Variants in POLD3 observed in about 807,000 individuals in gnomAD.
POLD3 encodes DNA polymerase delta subunit 3.
A neutral mutation model predicts 58.2 loss-of-function variants in POLD3; 19 were observed. The observed-to-expected ratio is 0.33, with a 90% CI of 0.23 to 0.48. The LOEUF (loss-of-function observed/expected upper bound fraction) is 0.48, where lower values mean the gene tolerates loss of function less well. Among genes scored for constraint, POLD3 ranks in the 20% least tolerant of loss-of-function variants. POLD3 has a pLI of 0.99. For missense variants in POLD3, 504 were observed against 545.5 expected (o/e 0.92, Z 0.76); for synonymous variants, 172 against 193.5 (o/e 0.89, Z 0.92).
intron 4 of POLD3, among the ~76,000 whole-genome samples, chr11:74,667,420 C>T (rs768238196): frequency 5.9e-5 from 9 of 152,124 alleles, no homozygotes; most frequent in Non-Finnish European, 1.2e-4. Context: ...CGCCTGTAGT[C>T]CCAGCTGGAG....
Position 74,592,994 on chromosome 11 carries a change from C to G in POLD3, c.60+276C>G, listed in dbSNP as rs146115530. On this transcript the variant is annotated intron_variant, in intron 1 of 11. Transcript: ENST00000263681. ...CGGAGACCGGGCGCGGAGGGAGGGC[C>G]GTTGGCTGAGAGTTCTAAGGCGTCC... 377 of 1,329,308 alleles carry G rather than the reference C, an allele frequency of 2.8e-4. No individual in the cohort carries two copies. In the African/African-American group the frequency reaches 5.1e-3, roughly 18 times the overall value. 82.3% of individuals were successfully genotyped at this position (1,329,308 alleles called of 1,614,324 possible). A position where few individuals can be genotyped will look rare whatever the true frequency, so the allele number is the denominator to read the frequency against.
intron 10 of POLD3, among the ~76,000 whole-genome samples, chr11:74,635,647 T>C (rs10899023): frequency 0.39 from 59,872 of 152,046 alleles, 12,842 homozygotes; most frequent in African/African-American, 0.56. Flanking sequence ...CACTTCTGCA[T>C]TCCAGCCTGG....
chr11:74,618,468 T>C (rs1565119304), intron 5 of POLD3, 69 bp from the exon 6 acceptor site: 1 of 1,157,508 alleles, frequency 8.6e-7, no homozygotes, highest in Non-Finnish European at 1.2e-6. Flanking sequence ...GTTTTTTTTT[T>C]CTTTTTTTGT....
chr11:74,665,391 A>ATTG (rs1343610341), intron 4 of POLD3, among the ~76,000 whole-genome samples: 34 of 83,308 alleles, frequency 4.1e-4, no homozygotes, highest in Non-Finnish European at 7.0e-4. Context: ...CCCTTTTATA[A>ATTG]TTTTTTTTTT....
At chr11:74,607,240 T>TATATATATATATATATATATATATA (rs761011170) in intron 3 of POLD3, among the ~76,000 whole-genome samples, 15 of 61,904 alleles carry the variant, frequency 2.4e-4, no homozygotes, top group Non-Finnish European at 2.7e-4. Context: ...ATTATTATTA[T>TATATATATATATATATATATATATA]TATATATTTA....
rs183175957 is a variant in POLD3, at chr11:74,613,521, G to T, written c.392+511G>T. ...TTTGGAAATTGGTGGTCACAGGCTT[G>T]ATTTGTGGCTTTGCTGCTTAGTAGC... On this transcript the variant is annotated intron_variant, in intron 5 of 11. Coordinates refer to ENST00000263681, the MANE Select transcript of POLD3 (RefSeq NM_006591.3). Among the ~76,000 whole-genome samples the T allele has an allele frequency of 1.6e-3, 251 of 152,206 alleles. 6 individuals carry two copies. The highest frequency in any genetic ancestry group is 0.013 in the Admixed American group (205 of 15,296).
intron 2 of POLD3, among the ~76,000 whole-genome samples, chr11:74,598,597 G>A (rs192184713): frequency 6.6e-6 from 1 of 152,144 alleles, no homozygotes; most frequent in Non-Finnish European, 1.5e-5. Context: ...TCAATAACTG[G>A]AACCTGGTCA....
chr11:74,661,936 A>C (rs2033211514), intron 4 of POLD3, among the ~76,000 whole-genome samples: 6 of 152,188 alleles, frequency 3.9e-5, no homozygotes. Context: ...CCCTTTCCAC[A>C]GGCCGAGGAG....
Position 74,620,049 on chromosome 11 carries a change from A to G in POLD3, c.693A>G (p.Lys231=), listed in dbSNP as rs762231852. 14 of 1,613,912 alleles carry G rather than the reference A, an allele frequency of 8.7e-6. No individual in the cohort carries two copies. In the South Asian group the frequency reaches 1.2e-4, roughly 14 times the overall value. ...CAGCAGGCAACAAGGCACCAGGGAA[A>G]GGGAATATGATGAGCAACTTTTTTG... is the stretch of plus-strand genomic sequence containing the variant. The part of the protein sequence containing the change: ...ASAAGNKAPG[K]GNMMSNFFGK... The change falls in exon 7 of 12, where the codon AAA becomes AAG. Residue 231 remains lysine (K), a synonymous_variant. Transcript: ENST00000263681.
At chr11:74,665,912 G>C (rs1489943387) in intron 4 of POLD3, among the ~76,000 whole-genome samples, 1 of 152,092 alleles carries the variant, frequency 6.6e-6, no homozygotes, top group Non-Finnish European at 1.5e-5. Flanking sequence ...AGGCAATTAG[G>C]CAGGAAAAAG....
chr11:74,625,385 C>T, intron 7 of POLD3, 23 bp from the exon 8 acceptor site: 1 of 1,570,038 alleles, frequency 6.4e-7, no homozygotes, highest in African/African-American at 1.4e-5. Flanking sequence ...GGTCATATGT[C>T]GTCTGCTATA....
chr11:74,616,147 G>A lies in POLD3; in HGVS notation c.393-2390G>A, dbSNP rs944759796. ...GTAAGCAAACAAGAATAAAAGTGAC[G>A]CAAAAGTTCAAAATGAAATCTGCCA... On this transcript the variant is annotated intron_variant, in intron 5 of 11. Transcript: ENST00000263681. Among the ~76,000 whole-genome samples, 8 of 152,048 alleles carry A rather than the reference G, an allele frequency of 5.3e-5. No homozygotes were observed. The South Asian group carries it at 6.2e-4, about 12-fold the overall frequency.
At chr11:74,651,874 A>G (rs2033072993) in intron 4 of POLD3, among the ~76,000 whole-genome samples, 1 of 152,184 alleles carries the variant, frequency 6.6e-6, no homozygotes, top group Non-Finnish European at 1.5e-5. Context: ...ATTGAAAACA[A>G]TTCCTGTCAT....
chr11:74,646,101 TAGC>T (rs1409845011), downstream of POLD3, among the ~76,000 whole-genome samples: 5 of 152,012 alleles, frequency 3.3e-5, no homozygotes, highest in Admixed American at 2.0e-4. Flanking sequence ...GCCTCCCGAG[TAGC>T]TGGGACTACA....
At chr11:74,598,952 A>C (rs1014959529) in intron 2 of POLD3, among the ~76,000 whole-genome samples, 1 of 152,234 alleles carries the variant, frequency 6.6e-6, no homozygotes, top group Non-Finnish European at 1.5e-5. Context: ...TCTTTGGAAA[A>C]TATAACATGC....
chr11:74,632,620 T>G (rs1468947590), intron 9 of POLD3, among the ~76,000 whole-genome samples: 3 of 152,196 alleles, frequency 2.0e-5, no homozygotes, highest in East Asian at 3.8e-4. Context: ...GACTGATGCT[T>G]CTTTTGTCAA....
chr11:74,663,544 ATAGT>A (rs2033230398), intron 4 of POLD3, among the ~76,000 whole-genome samples: 1 of 152,264 alleles, frequency 6.6e-6, no homozygotes. Flanking sequence ...ATGGGACAGA[ATAGT>A]TAGTCTGTAA....
chr11:74,600,710 CTTTTTTTTT>C (rs57206403), intron 2 of POLD3, among the ~76,000 whole-genome samples: 1 of 63,008 alleles, frequency 1.6e-5, no homozygotes, highest in Non-Finnish European at 2.8e-5. Context: ...GAATTCTTTC[CTTTTTTTTT>C]TTTTTTTTTT....
Position 74,661,428 on chromosome 11 carries a change from C to T in POLD3, c.370-7349C>T, listed in dbSNP as rs1056863869. Among the ~76,000 whole-genome samples, 161 of 152,122 alleles carry T rather than the reference C, an allele frequency of 1.1e-3. 10 individuals carry two copies. Among genetic ancestry groups the T allele is most frequent in the Non-Finnish European group, 1.5e-5 (1 of 68,038 alleles). ...TACTGCATTAGGGGGAACCCCAAGC[C>T]CAGTAACACTATGATTTAGACTCGT... On this transcript the variant is annotated intron_variant, in intron 4 of 4. Transcript: ENST00000524752.
Sources: allele counts gnomAD v4.1 joint callset (sites outside exome capture counted in the v4.1 genomes callset), GRCh38; gene constraint gnomAD v4.1.1; transcripts MANE v1.5; gene names NCBI Gene and HGNC (gene_info 2026-07-23, HGNC 2026-07-21).